ASB4: variants seen among roughly 807,000 people sequenced by gnomAD.
The protein encoded by ASB4 is ankyrin repeat and SOCS box containing 4.
ASB4 carries 35 observed loss-of-function variants against 38.6 expected under a neutral mutation model. The observed-to-expected ratio is 0.91, with a 90% CI of 0.69 to 1.20. The LOEUF (loss-of-function observed/expected upper bound fraction) is 1.20. ASB4 is among the 50% of genes most tolerant of loss of function. The pLI is 0.00. For missense variants in ASB4, 557 were observed against 527.2 expected (o/e 1.06, Z -0.55); for synonymous variants, 195 against 201.3 (o/e 0.97, Z 0.26).
Position 95,538,631 on chromosome 7 carries a change from T to TCTC in ASB4, c.*875_*877dup. On this transcript the variant is annotated 3_prime_UTR_variant, in exon 5 of 5. Coordinates refer to ENST00000325885, the MANE Select transcript of ASB4 (RefSeq NM_016116.3). ...GAAGGGGTTATGTAAAGTAGAGGGA[T>TCTC]CTCCTGCTCTTGTTAGGGTATTTTT... The TCTC allele has an allele frequency of 6.6e-6, 1 of 152,326 alleles. No individual in the cohort carries two copies. Among genetic ancestry groups the TCTC allele is most frequent in the Middle Eastern group, 3.4e-3 (1 of 292 alleles). The allele number at this position is 152,326 out of a possible 1,614,324, so 9.4% of individuals were successfully genotyped here.
intron 2 of ASB4, among the ~76,000 whole-genome samples, chr7:95,516,628 A>G (rs1363040053): frequency 6.6e-6 from 1 of 152,232 alleles, no homozygotes; most frequent in East Asian, 1.9e-4. Flanking sequence ...TCCTGTTTTC[A>G]ATATGGCTTA....
chr7:95,485,185 T>C (rs1372972427), upstream of ASB4, among the ~76,000 whole-genome samples: 2 of 152,108 alleles, frequency 1.3e-5, no homozygotes, highest in Non-Finnish European at 2.9e-5. Flanking sequence ...AGAATTTTTT[T>C]TACATAACCA....
upstream of ASB4, among the ~76,000 whole-genome samples, chr7:95,476,556 G>T (rs1264978737): frequency 2.0e-5 from 3 of 152,214 alleles, no homozygotes; most frequent in African/African-American, 7.2e-5. Context: ...GACCAGGGCT[G>T]GGAAACGGGA....
intron 1 of ASB4, among the ~76,000 whole-genome samples, chr7:95,479,504 A>G (rs1230856745): frequency 6.6e-5 from 10 of 152,204 alleles, no homozygotes. Flanking sequence ...CTTTATTATA[A>G]TATTGTGGCC....
At chr7:95,493,300 G>T (rs1283642488) in intron 1 of ASB4, among the ~76,000 whole-genome samples, 2 of 152,036 alleles carry the variant, frequency 1.3e-5, no homozygotes, top group African/African-American at 4.8e-5. Flanking sequence ...TAAAGGGAAA[G>T]GTGGGAGAGA....
chr7:95,482,678 C>G (rs1445826303), upstream of ASB4, among the ~76,000 whole-genome samples: 1 of 152,166 alleles, frequency 6.6e-6, no homozygotes, highest in East Asian at 1.9e-4. Flanking sequence ...GGAGGGAGAT[C>G]AATAGGCTTG....
At chr7:95,486,661 G>T (rs10480616) in intron 1 of ASB4, among the ~76,000 whole-genome samples, 2,003 of 152,290 alleles carry the variant, frequency 0.013, 48 homozygotes, top group African/African-American at 0.046. Context: ...GGTGCCACAG[G>T]CACCTTCATG....
chr7:95,501,050 T>C (rs1790329388), intron 2 of ASB4, among the ~76,000 whole-genome samples: 1 of 152,192 alleles, frequency 6.6e-6, no homozygotes, highest in Non-Finnish European at 1.5e-5. Flanking sequence ...TTTAATTAGT[T>C]TAAACATGCA....
chr7:95,512,714 C>T (rs370459286), intron 2 of ASB4, among the ~76,000 whole-genome samples: 23 of 152,250 alleles, frequency 1.5e-4, no homozygotes, highest in African/African-American at 4.8e-4. Context: ...GTAATGCTGG[C>T]TTAGAAGAAT....
upstream of ASB4, among the ~76,000 whole-genome samples, chr7:95,481,833 A>G (rs1184921483): frequency 2.6e-5 from 4 of 152,208 alleles, no homozygotes; most frequent in Non-Finnish European, 5.9e-5. Context: ...AGAGCAAAGG[A>G]CACTGTTCTG....
At chr7:95,496,326 G>T in intron 2 of ASB4, 1 of 328,010 alleles carries the variant, frequency 3.0e-6, no homozygotes, top group African/African-American at 2.1e-5. Context: ...ATCAGGTAAT[G>T]CACTAAGTCA....
chr7:95,477,989 T>C (rs945316093), upstream of ASB4, among the ~76,000 whole-genome samples: 3 of 152,162 alleles, frequency 2.0e-5, no homozygotes, highest in South Asian at 4.1e-4. Context: ...ATGAATTAGA[T>C]ACTTCCATAG....
intron 2 of ASB4, among the ~76,000 whole-genome samples, chr7:95,515,843 G>C (rs1790577210): frequency 6.6e-6 from 1 of 152,220 alleles, no homozygotes; most frequent in African/African-American, 2.4e-5. Flanking sequence ...CCTTGCTTTT[G>C]CTGCTGTTGC....
chr7:95,522,935 A>G (rs1048319101), intron 2 of ASB4, among the ~76,000 whole-genome samples: 3 of 152,182 alleles, frequency 2.0e-5, no homozygotes, highest in Admixed American at 1.3e-4. Context: ...AACTTCTCCC[A>G]TTAAAAGTCA....
chr7:95,515,176 T>TCTTTCTTC (rs1790542467), intron 2 of ASB4, among the ~76,000 whole-genome samples: 1 of 69,832 alleles, frequency 1.4e-5, no homozygotes, highest in African/African-American at 6.4e-5. Context: ...TCTCTTTCTT[T>TCTTTCTTC]CTTTCTTTCT....
intron 2 of ASB4, among the ~76,000 whole-genome samples, chr7:95,525,327 A>G (rs554971275): frequency 8.5e-5 from 13 of 152,312 alleles, no homozygotes; most frequent in African/African-American, 3.1e-4. Context: ...AAACTAATAC[A>G]TTGTATTTTC....
intron 2 of ASB4, among the ~76,000 whole-genome samples, chr7:95,520,783 G>T (rs1455731711): frequency 6.6e-6 from 1 of 151,988 alleles, no homozygotes; most frequent in Non-Finnish European, 1.5e-5. Context: ...CTGTAGGTAG[G>T]TCTGTTTCTA....
At chr7:95,507,832 A>G (rs1790430993) in intron 2 of ASB4, among the ~76,000 whole-genome samples, 2 of 152,326 alleles carry the variant, frequency 1.3e-5, no homozygotes, top group African/African-American at 4.8e-5. Context: ...GAAGTGTTAA[A>G]TACTACGGAG....
chr7:95,499,936 C>A, intron 2 of ASB4, among the ~76,000 whole-genome samples: 1 of 129,156 alleles, frequency 7.7e-6, no homozygotes, highest in Non-Finnish European at 1.5e-5. Flanking sequence ...TGCAGTGGTG[C>A]GATCTCGGCT....
Sources: allele counts gnomAD v4.1 joint callset (sites outside exome capture counted in the v4.1 genomes callset), GRCh38; gene constraint gnomAD v4.1.1; transcripts MANE v1.5; gene names NCBI Gene and HGNC (gene_info 2026-07-23, HGNC 2026-07-21).